Variants in NFE2L3 observed in about 807,000 individuals in gnomAD.
NFE2L3 encodes NFE2 like bZIP transcription factor 3.
NFE2L3 carries 18 observed loss-of-function variants against 23.5 expected under a neutral mutation model. That is an observed-to-expected ratio of 0.77 (90% CI 0.53 to 1.13). The LOEUF is 1.13. Among genes scored for constraint, NFE2L3 ranks in the 50% most tolerant of loss-of-function variants. The probability of loss-of-function intolerance (pLI) is 0.00; values close to 1 mark genes in which losing one functional copy is unlikely to be tolerated. For missense variants in NFE2L3, 1,152 were observed against 877.2 expected, an observed-to-expected ratio of 1.31 and a Z score of -3.96; for synonymous variants, 424 against 354.5, an observed-to-expected ratio of 1.20 and a Z score of -2.20.
At chr7:26,158,679 A>G (rs1784123904) in intron 1 of NFE2L3, among the ~76,000 whole-genome samples, 1 of 152,168 alleles carries the variant, frequency 6.6e-6, no homozygotes, top group South Asian at 2.1e-4. Context: ...CTCTTGTATC[A>G]TTCTCCTTCT....
At chr7:26,170,304 G>C (rs904246616) in intron 1 of NFE2L3, among the ~76,000 whole-genome samples, 8 of 152,104 alleles carry the variant, frequency 5.3e-5, no homozygotes, top group African/African-American at 1.9e-4. Flanking sequence ...TCTTTCAGTT[G>C]CTCATCTTTA....
At position 26,183,869 on chromosome 7, in the gene NFE2L3, GAC is replaced by G. The variant is rs763325062; in HGVS notation, c.834+89_834+90del. 9.3e-5 allele frequency: 82 copies of G among 883,394 alleles called. No homozygotes were observed. The African/African-American group carries it at 1.3e-3, about 14-fold the overall frequency. 54.7% of individuals were successfully genotyped at this position (883,394 alleles called of 1,614,324 possible). Reference sequence around the variant, plus strand: ...ACAAATACAACTCCTTTACTTGGATGACACAGCAGTTTAAAGTAATGCTTATT... The same window carrying G: ...ACAAATACAACTCCTTTACTTGGATGACAGCAGTTTAAAGTAATGCTTATT... On this transcript the variant is annotated intron_variant, in intron 3 of 3. Transcript: ENST00000056233.
At chr7:26,180,501 TTAAAATAC>T (rs1784488562) in intron 2 of NFE2L3, among the ~76,000 whole-genome samples, 1 of 152,220 alleles carries the variant, frequency 6.6e-6, no homozygotes, top group African/African-American at 2.4e-5. Flanking sequence ...GACTTTTATA[TTAAAATAC>T]TGACAGAACC....
At chr7:26,184,002 G>A (rs145750726) in intron 3 of NFE2L3, 419 of 515,056 alleles carry the variant, frequency 8.1e-4, no homozygotes, top group Non-Finnish European at 1.2e-3. Context: ...GGAAAACAGC[G>A]TGGAGATTTC....
intron 1 of NFE2L3, among the ~76,000 whole-genome samples, chr7:26,162,857 T>G (rs1355399841): frequency 3.3e-5 from 5 of 151,864 alleles, no homozygotes; most frequent in Non-Finnish European, 7.4e-5. Context: ...GGATTACAGG[T>G]GCGCACCACC....
chr7:26,172,550 T>C (rs1284534403), intron 1 of NFE2L3, among the ~76,000 whole-genome samples: 2 of 152,208 alleles, frequency 1.3e-5, no homozygotes. Context: ...AATCTGTCAG[T>C]ATGTATTTGC....
chr7:26,157,142 G>A (rs1784094126), intron 1 of NFE2L3, among the ~76,000 whole-genome samples: 2 of 151,992 alleles, frequency 1.3e-5, no homozygotes, highest in South Asian at 4.1e-4. Flanking sequence ...AAACTGTTGG[G>A]CTGGTTTCTT....
At chr7:26,162,970 C>T (rs977973119) in intron 1 of NFE2L3, among the ~76,000 whole-genome samples, 4 of 152,116 alleles carry the variant, frequency 2.6e-5, no homozygotes, top group African/African-American at 9.7e-5. Flanking sequence ...CCTTGGCCTC[C>T]CAAAGTGCTG....
chr7:26,161,050 C>G (rs1330276766), intron 1 of NFE2L3, among the ~76,000 whole-genome samples: 1 of 152,224 alleles, frequency 6.6e-6, no homozygotes, highest in Non-Finnish European at 1.5e-5. Flanking sequence ...CAGGACACCC[C>G]TTGTCTTCTA....
chr7:26,182,715 A>G (rs1178244871), intron 2 of NFE2L3, among the ~76,000 whole-genome samples: 2 of 152,148 alleles, frequency 1.3e-5, no homozygotes, highest in African/African-American at 4.8e-5. Context: ...GAAAGAGGCT[A>G]AAGCATAAAG....
In NFE2L3 at chr7:26,184,220, G is replaced by A. The variant is rs1782416199; in HGVS notation, c.835-313G>A. The A allele has an allele frequency of 1.1e-5, 4 of 348,512 alleles. No homozygotes were observed. In the South Asian group the frequency reaches 1.2e-4, roughly 10 times the overall value. The allele number at this position is 348,512 out of a possible 1,614,324, so 21.6% of individuals were successfully genotyped here. On this transcript the variant is annotated intron_variant, in intron 3 of 3. Transcript: ENST00000056233. ...ACCCTCCACAATGTGATTACCAACC[G>A]CTAGGATGAGTTGCATCTTATTATA...
intron 1 of NFE2L3, among the ~76,000 whole-genome samples, chr7:26,161,357 T>G (rs952979063): frequency 9.4e-4 from 100 of 105,930 alleles, no homozygotes; most frequent in Non-Finnish European, 1.5e-3. Flanking sequence ...TTTTTTTTTT[T>G]TTTTTTTGGG....
intron 2 of NFE2L3, among the ~76,000 whole-genome samples, chr7:26,179,948 A>T (rs1412808528): frequency 6.6e-6 from 1 of 152,084 alleles, no homozygotes; most frequent in Admixed American, 6.5e-5. Flanking sequence ...CTTCCTCTTG[A>T]CAGGGGCAAA....
At chr7:26,178,977 A>G (rs997792855) in intron 2 of NFE2L3, among the ~76,000 whole-genome samples, 2 of 151,972 alleles carry the variant, frequency 1.3e-5, no homozygotes, top group African/African-American at 4.8e-5. Flanking sequence ...CCATGCCCTG[A>G]CCCTTCTCAG....
chr7:26,176,314 CCTTTT>C lies in NFE2L3; in HGVS notation c.571-1623_571-1619del, dbSNP rs1296849166. On this transcript the variant is annotated intron_variant, in intron 1 of 3. Transcript: ENST00000056233. Reference sequence around the variant, plus strand: ...TCTCGTTCTTTTCCCCACATTTCCCCCTTTTCTTTTTGACAAAACCGCCATCGTCA... The same window carrying C: ...TCTCGTTCTTTTCCCCACATTTCCCCCTTTTTGACAAAACCGCCATCGTCA... 7.2e-5 allele frequency among the ~76,000 whole-genome samples: 11 copies of C among 152,288 alleles called. No individual in the cohort carries two copies. In the East Asian group the frequency reaches 2.1e-3, roughly 29 times the overall value.
Position 26,153,886 on chromosome 7 carries a change from C to T in NFE2L3, c.570+818C>T, listed in dbSNP as rs74430451. Among the ~76,000 whole-genome samples, 659 of 152,338 alleles carry T rather than the reference C, an allele frequency of 4.3e-3. 5 individuals carry two copies. Among genetic ancestry groups the T allele is most frequent in the African/African-American group, 0.015 (625 of 41,568 alleles). On this transcript the variant is annotated intron_variant, in intron 1 of 3. Coordinates refer to ENST00000056233, the MANE Select transcript of NFE2L3 (RefSeq NM_004289.7). ...CACCAGTTTCCACAAAACCACTTTA[C>T]CCAAAGTTCCTTCCAGGGGACTTTT...
intron 1 of NFE2L3, among the ~76,000 whole-genome samples, chr7:26,166,189 G>T (rs1283062678): frequency 1.3e-5 from 2 of 152,118 alleles, no homozygotes; most frequent in African/African-American, 4.8e-5. Context: ...TTAAATGAAT[G>T]ACTTCTTACA....
chr7:26,169,919 G>A (rs1311852266), intron 1 of NFE2L3, among the ~76,000 whole-genome samples: 1 of 151,132 alleles, frequency 6.6e-6, no homozygotes, highest in Non-Finnish European at 1.5e-5. Flanking sequence ...GCAACATGGC[G>A]AGACCCCGTC....
At chr7:26,164,227 G>A (rs1454487663) in intron 1 of NFE2L3, among the ~76,000 whole-genome samples, 2 of 152,104 alleles carry the variant, frequency 1.3e-5, no homozygotes, top group African/African-American at 2.4e-5. Context: ...CTGAGGAATC[G>A]CCACACTGAC....
Sources: gnomAD v4.1 joint callset for allele counts (sites outside exome capture counted in the v4.1 genomes callset) on GRCh38, gnomAD v4.1.1 for gene constraint, MANE v1.5 for transcripts, NCBI Gene and HGNC (gene_info 2026-07-23, HGNC 2026-07-21) for gene names.